The following LIPA variants were observed in gnomAD, a reference collection of about 807,000 sequenced individuals.
LIPA encodes lysosomal acid lipase/cholesteryl ester hydrolase.
A neutral mutation model predicts 40.6 loss-of-function variants in LIPA; 26 were observed. The ratio of observed to expected loss-of-function variants is 0.64; its 90% CI spans 0.47 to 0.89. The LOEUF is 0.89. Among genes scored for constraint, LIPA ranks in the 40% least tolerant of loss-of-function variants. The probability of loss-of-function intolerance (pLI) is 0.00; values close to 1 mark genes in which losing one functional copy is unlikely to be tolerated. For synonymous variants in LIPA, 188 were observed against 168.4 expected (o/e 1.12, Z -0.90); for missense variants, 455 against 479.6 (o/e 0.95, Z 0.48).
At chr10:89,273,055 T>C (rs568673267) in intron 1 of LIPA, among the ~76,000 whole-genome samples, 4 of 152,344 alleles carry the variant, frequency 2.6e-5, no homozygotes, top group South Asian at 4.1e-4. Flanking sequence ...ACTCTGAAGA[T>C]AGGTAAAAGA....
chr10:89,231,628 A>C (rs141169040), intron 3 of LIPA, among the ~76,000 whole-genome samples: 207 of 152,276 alleles, frequency 1.4e-3, no homozygotes, highest in African/African-American at 4.7e-3. Flanking sequence ...TGTGTACCAC[A>C]ACATCCAGCC....
chr10:89,372,667 C>A (rs7088579), intron 2 of LIPA, among the ~76,000 whole-genome samples: 34,918 of 152,162 alleles, frequency 0.23, 4,187 homozygotes, highest in African/African-American at 0.25. Context: ...CTGCCTTGGC[C>A]ATGCTAACAA....
intron 2 of LIPA, chr10:89,403,038 C>T (rs1301368640): frequency 6.2e-6 from 10 of 1,614,068 alleles, no homozygotes; most frequent in Non-Finnish European, 7.6e-6. Context: ...CTATGTCTTT[C>T]GATATGCAGC....
rs150171998 is a variant in LIPA at position 89,282,416 on chromosome 10, T to C, written c.-1-34767A>G. ...ACTTTGGGAGGCTGAGGCAGGCAGATTACCTGAGATTGAGAGTTTGAGACC... is the reference window on the plus strand; with the variant it reads ...ACTTTGGGAGGCTGAGGCAGGCAGACTACCTGAGATTGAGAGTTTGAGACC... On this transcript the variant is annotated intron_variant, in intron 1 of 5. Coordinates refer to the LIPA transcript ENST00000282673. Among the ~76,000 whole-genome samples the C allele has an allele frequency of 7.5e-3, 1,147 of 152,050 alleles. 21 individuals carry two copies. The highest frequency in any genetic ancestry group is 0.026 in the African/African-American group (1,085 of 41,438).
At chr10:89,309,936 A>T (rs1843506425) in intron 1 of LIPA, among the ~76,000 whole-genome samples, 1 of 152,182 alleles carries the variant, frequency 6.6e-6, no homozygotes, top group Non-Finnish European at 1.5e-5. Flanking sequence ...AGCCCCTAGT[A>T]GATGTCTCCT....
At chr10:89,413,854 G>A (rs879547528) in intron 1 of LIPA, among the ~76,000 whole-genome samples, 1 of 152,038 alleles carries the variant, frequency 6.6e-6, no homozygotes, top group Non-Finnish European at 1.5e-5. Flanking sequence ...ACTCAATAAG[G>A]GTAAGGCCCG....
At chr10:89,410,183 A>T (rs1443414199) in intron 2 of LIPA, among the ~76,000 whole-genome samples, 3 of 152,224 alleles carry the variant, frequency 2.0e-5, no homozygotes, top group Non-Finnish European at 4.4e-5. Context: ...AGGCTATCAA[A>T]ATAATATAAG....
chr10:89,239,842 A>G (rs1842944919), intron 3 of LIPA, among the ~76,000 whole-genome samples: 1 of 152,088 alleles, frequency 6.6e-6, no homozygotes, highest in Admixed American at 6.6e-5. Flanking sequence ...TAGGACACAC[A>G]ATTAGTATAC....
At chr10:89,262,161 A>G (rs1220271404) in intron 1 of LIPA, among the ~76,000 whole-genome samples, 2 of 152,206 alleles carry the variant, frequency 1.3e-5, no homozygotes, top group Non-Finnish European at 1.5e-5. Flanking sequence ...AACTCCTGGT[A>G]TTCCCTATGG....
chr10:89,347,209 G>A (rs570942262), upstream of LIPA, among the ~76,000 whole-genome samples: 8 of 152,316 alleles, frequency 5.3e-5, no homozygotes, highest in South Asian at 6.2e-4. Flanking sequence ...CAAGAGGGCC[G>A]GTAGAGTCAT....
At chr10:89,290,405 G>A (rs964943726) in intron 1 of LIPA, among the ~76,000 whole-genome samples, 2 of 151,990 alleles carry the variant, frequency 1.3e-5, no homozygotes, top group South Asian at 2.1e-4. Context: ...GAGAAACATC[G>A]CCCATTATCT....
Position 89,361,875 on chromosome 10 carries a change from CTTTTTTTTTTTTTTTTTTTT to C in LIPA, c.61+50896_61+50915del, listed in dbSNP as rs59818683. Among the ~76,000 whole-genome samples the C allele has an allele frequency of 9.9e-4, 40 of 40,440 alleles. 1 individual carries two copies. The highest frequency in any genetic ancestry group is 9.5e-3 in the East Asian group (15 of 1,582). The allele number at this position is 40,440 out of a possible 152,430, so 26.5% of individuals were successfully genotyped here. The stretch of plus-strand genomic sequence containing the variant: ...AATCCACCCCCCACCCTCCACCTGC[CTTTTTTTTTTTTTTTTTTTT>C]TTTTTTTTTTTTTTTTTGAGACAGG... On this transcript the variant is annotated intron_variant, in intron 2 of 8. Transcript: ENST00000371837.
intron 2 of LIPA, among the ~76,000 whole-genome samples, chr10:89,381,765 T>TCTTTC (rs2133603220): frequency 6.6e-6 from 1 of 152,184 alleles, no homozygotes; most frequent in Admixed American, 6.5e-5. Context: ...TTTCTTCCTT[T>TCTTTC]CTTTCCTTTC....
chr10:89,240,649 C>G (rs1227661565), intron 3 of LIPA, among the ~76,000 whole-genome samples: 1 of 152,084 alleles, frequency 6.6e-6, no homozygotes, highest in Non-Finnish European at 1.5e-5. Context: ...GGTCACACAG[C>G]CAGTTAAATA....
intron 1 of LIPA, among the ~76,000 whole-genome samples, chr10:89,328,353 T>A (rs1226056501): frequency 6.6e-6 from 1 of 152,208 alleles, no homozygotes; most frequent in Non-Finnish European, 1.5e-5. Flanking sequence ...CCTCCCTGTG[T>A]GCAGCTATTT....
chr10:89,275,128 T>C (rs1324119661), intron 1 of LIPA, among the ~76,000 whole-genome samples: 1 of 152,116 alleles, frequency 6.6e-6, no homozygotes, highest in Non-Finnish European at 1.5e-5. Flanking sequence ...TCAGGATGAG[T>C]CAGTAGACAT....
At chr10:89,318,346 G>A (rs188322790) in intron 1 of LIPA, among the ~76,000 whole-genome samples, 1 of 152,070 alleles carries the variant, frequency 6.6e-6, no homozygotes. Flanking sequence ...ACACACATAG[G>A]CTAAAAATAA....
intron 1 of LIPA, among the ~76,000 whole-genome samples, chr10:89,341,315 G>T (rs1323145605): frequency 6.6e-6 from 1 of 152,230 alleles, no homozygotes; most frequent in East Asian, 1.9e-4. Context: ...AAAGGGCAGA[G>T]ATCCATCCAG....
At chr10:89,375,352 C>CAA (rs1844114006) in intron 2 of LIPA, among the ~76,000 whole-genome samples, 1 of 152,142 alleles carries the variant, frequency 6.6e-6, no homozygotes, top group Non-Finnish European at 1.5e-5. Context: ...CGCACAAAGA[C>CAA]AAGTAAAGGT....
Sources: gnomAD v4.1 joint callset for allele counts (sites outside exome capture counted in the v4.1 genomes callset) on GRCh38, gnomAD v4.1.1 for gene constraint, MANE v1.5 for transcripts, NCBI Gene and HGNC (gene_info 2026-07-23, HGNC 2026-07-21) for gene names.